Variants in MAPK6 observed in about 807,000 individuals in gnomAD.
MAPK6 encodes ERK-3.
Under a neutral mutation model 59.3 loss-of-function variants are expected in MAPK6, and 19 were observed. The ratio of observed to expected loss-of-function variants is 0.32; its 90% CI spans 0.22 to 0.47. MAPK6 has a LOEUF of 0.47. Ranked by LOEUF, MAPK6 falls within the 20% of genes least tolerant of loss-of-function variation. The pLI is 1.00. For synonymous variants in MAPK6, 316 were observed against 290.3 expected (o/e 1.09, Z -0.90); for missense variants, 724 against 847.9 (o/e 0.85, Z 1.81).
chr15:52,002,213 A>G (rs2057244029), intron 2 of MAPK6, among the ~76,000 whole-genome samples: 1 of 152,180 alleles, frequency 6.6e-6, no homozygotes, highest in Non-Finnish European at 1.5e-5. Context: ...CCTTAGAATT[A>G]CTATTTCTGC....
At chr15:52,014,496 G>A (rs559419865), upstream of MAPK6, among the ~76,000 whole-genome samples, 14 of 152,216 alleles carry the variant, frequency 9.2e-5, no homozygotes, top group African/African-American at 3.4e-4. Flanking sequence ...AGGATCACTT[G>A]AGCTTAGGAG....
intron 2 of MAPK6, among the ~76,000 whole-genome samples, chr15:51,990,436 G>C (rs1431677276): frequency 5.3e-5 from 8 of 152,198 alleles, no homozygotes; most frequent in Non-Finnish European, 1.2e-4. Context: ...ATGCAAAGTA[G>C]TGCATATATT....
rs1454610726 is a variant in MAPK6, at chr15:52,066,545, G to A, written c.*1545G>A. 6.6e-6 allele frequency: 1 copy of A among 152,140 alleles called. No homozygotes were observed. Among genetic ancestry groups the A allele is most frequent in the Non-Finnish European group, 1.5e-5 (1 of 68,038 alleles). 9.4% of individuals were successfully genotyped at this position (152,140 alleles called of 1,614,324 possible). Reference sequence around the variant, plus strand: ...AAGAACTTACCCTTTTACCTATCCAGCTACAAAACCATCCTCTTCACCTCA... The same window carrying A: ...AAGAACTTACCCTTTTACCTATCCAACTACAAAACCATCCTCTTCACCTCA... On this transcript the variant is annotated 3_prime_UTR_variant, in exon 6 of 6. Transcript: ENST00000261845.
chr15:52,039,161 C>T (rs996027422), intron 1 of MAPK6, among the ~76,000 whole-genome samples: 1 of 152,064 alleles, frequency 6.6e-6, no homozygotes, highest in African/African-American at 2.4e-5. Flanking sequence ...AGCAGTGCAC[C>T]ACCATGCCAA....
At position 52,061,367 on chromosome 15, in the gene MAPK6, T is replaced by C. The variant is rs1220525297; in HGVS notation, c.934T>C (p.Ser312Pro). The change falls in exon 5 of 6, where the codon TCC becomes CCC. Residue 312 changes from serine (S) to proline (P), a missense_variant. Ser to Pro is a moderately conservative substitution (Grantham distance 74). Coordinates refer to ENST00000261845, the MANE Select transcript of MAPK6 (RefSeq NM_002748.4). Reference protein sequence around the residue: ...MDRLTAEEALSHPYMSIYSFP... With the variant: ...MDRLTAEEALPHPYMSIYSFP... ...TCGGTTAACAGCAGAAGAAGCACTC[T>C]CCCATCCTTACATGAGCATATATTC... is the stretch of plus-strand genomic sequence containing the variant. The C allele has an allele frequency of 6.2e-7, 1 of 1,614,108 alleles. No individual in the cohort carries two copies. The highest frequency in any genetic ancestry group is 1.7e-5 in the Admixed American group (1 of 60,020).
At chr15:51,974,671 A>C in intron 1 of MAPK6, among the ~76,000 whole-genome samples, 1 of 150,134 alleles carries the variant, frequency 6.7e-6, no homozygotes, top group East Asian at 2.0e-4. Flanking sequence ...AAAAAAAAAA[A>C]AAAAAAAAAA....
intron 1 of MAPK6, among the ~76,000 whole-genome samples, chr15:52,040,182 G>A (rs940011966): frequency 6.6e-6 from 1 of 152,228 alleles, no homozygotes; most frequent in Non-Finnish European, 1.5e-5. Context: ...TCAGGGAAGG[G>A]TGAATTTGCT....
intron 5 of MAPK6, 81 bp from the exon 6 acceptor site, chr15:52,063,821 G>A: frequency 1.6e-6 from 2 of 1,252,266 alleles, no homozygotes; most frequent in Non-Finnish European, 2.2e-6. Flanking sequence ...CTAGCACAGT[G>A]CTGTCACATA....
intron 2 of MAPK6, among the ~76,000 whole-genome samples, chr15:51,984,312 C>T (rs935140335): frequency 6.6e-6 from 1 of 152,040 alleles, no homozygotes; most frequent in Non-Finnish European, 1.5e-5. Context: ...GATGGAGTTT[C>T]GCTCTGTCGC....
At chr15:52,062,958 A>T (rs1452415439) in intron 5 of MAPK6, among the ~76,000 whole-genome samples, 2 of 152,118 alleles carry the variant, frequency 1.3e-5, no homozygotes, top group Non-Finnish European at 1.5e-5. Context: ...TTAAGATTTT[A>T]AGAAGAAATT....
chr15:51,974,867 A>G (rs1336203205), intron 1 of MAPK6, among the ~76,000 whole-genome samples: 1 of 150,408 alleles, frequency 6.6e-6, no homozygotes, highest in African/African-American at 2.4e-5. Flanking sequence ...ATAGGCATGC[A>G]CCACCATGCC....
At chr15:52,060,389 G>T (rs1344720935) in intron 4 of MAPK6, among the ~76,000 whole-genome samples, 1 of 152,202 alleles carries the variant, frequency 6.6e-6, no homozygotes, top group Non-Finnish European at 1.5e-5. Context: ...CAAATGTGAA[G>T]TGGGTTTATC....
chr15:52,054,857 G>A (rs979334959), intron 3 of MAPK6, among the ~76,000 whole-genome samples: 1 of 151,834 alleles, frequency 6.6e-6, no homozygotes, highest in African/African-American at 2.4e-5. Context: ...GTGCGATCTT[G>A]GCTCACTGCA....
At chr15:52,027,013 G>T (rs964846370) in intron 1 of MAPK6, among the ~76,000 whole-genome samples, 1 of 150,446 alleles carries the variant, frequency 6.6e-6, no homozygotes. Flanking sequence ...TCACACCATT[G>T]CACTCCAGCC....
In MAPK6 at chr15:52,052,318, C is replaced by T. The variant is rs374677815; in HGVS notation, c.700+2181C>T. Among the ~76,000 whole-genome samples, 7 of 152,164 alleles carry T rather than the reference C, an allele frequency of 4.6e-5. No individual in the cohort carries two copies. The East Asian group carries it at 1.3e-3, about 29-fold the overall frequency. ...CTTCTCCATAGGACTGCTTGAGTGT[C>T]TTCATAATATGGTGGCTGGCTTCCT... On this transcript the variant is annotated intron_variant, in intron 3 of 5. Transcript: ENST00000261845.
At chr15:52,029,704 A>G (rs1026209261) in intron 1 of MAPK6, among the ~76,000 whole-genome samples, 46 of 152,148 alleles carry the variant, frequency 3.0e-4, no homozygotes, top group Admixed American at 3.0e-3. Context: ...CCTTATCCCC[A>G]TAGCTAATCC....
intron 3 of MAPK6, among the ~76,000 whole-genome samples, chr15:52,058,023 G>A (rs2032051424): frequency 1.3e-5 from 2 of 152,160 alleles, no homozygotes; most frequent in Admixed American, 6.5e-5. Flanking sequence ...GACATTAAAG[G>A]AAAGGCAAGT....
At chr15:52,015,291 G>A (rs1012746126), upstream of MAPK6, among the ~76,000 whole-genome samples, 114 of 151,296 alleles carry the variant, frequency 7.5e-4, no homozygotes, top group African/African-American at 2.6e-3. Flanking sequence ...ATGAGCCACC[G>A]CACCCAGCCT....
At chr15:51,972,726 G>A (rs1204929207) in intron 1 of MAPK6, among the ~76,000 whole-genome samples, 1 of 150,664 alleles carries the variant, frequency 6.6e-6, no homozygotes, top group Admixed American at 6.6e-5. Context: ...GGAGGATGAG[G>A]CAGGAGAATG....
Sources: allele counts gnomAD v4.1 joint callset (sites outside exome capture counted in the v4.1 genomes callset), GRCh38; gene constraint gnomAD v4.1.1; transcripts MANE v1.5; gene names NCBI Gene and HGNC (gene_info 2026-07-23, HGNC 2026-07-21).